Variants in FBXL17 observed in about 807,000 individuals in gnomAD.
FBXL17 encodes F-box and leucine rich repeat protein 17, also known as F-box/LRR-repeat protein 17.
In FBXL17, 22 loss-of-function variants were observed where a neutral mutation model predicts 66.2. The ratio of observed to expected loss-of-function variants is 0.33; its 90% CI spans 0.24 to 0.47. The LOEUF (loss-of-function observed/expected upper bound fraction) is 0.47, where lower values mean the gene tolerates loss of function less well. Ranked by LOEUF, FBXL17 falls within the 20% of genes least tolerant of loss-of-function variation. FBXL17 has a pLI of 1.00. For synonymous variants in FBXL17, 474 were observed against 400.5 expected (o/e 1.18, Z -2.19); for missense variants, 878 against 948.2 (o/e 0.93, Z 0.97).
At chr5:107,980,435 TG>T (rs1752762818) in intron 7 of FBXL17, among the ~76,000 whole-genome samples, 2 of 149,830 alleles carry the variant, frequency 1.3e-5, no homozygotes, top group Non-Finnish European at 3.0e-5. Flanking sequence ...CAGGGTCTCC[TG>T]GGCTCAAGCA....
intron 6 of FBXL17, among the ~76,000 whole-genome samples, chr5:108,138,275 C>T (rs1416144688): frequency 6.6e-6 from 1 of 152,174 alleles, no homozygotes; most frequent in African/African-American, 2.4e-5. Context: ...TACTTCTCCC[C>T]ATTTTCTCCT....
intron 4 of FBXL17, among the ~76,000 whole-genome samples, chr5:108,327,810 A>T (rs890667868): frequency 2.6e-5 from 4 of 152,166 alleles, no homozygotes; most frequent in African/African-American, 9.6e-5. Context: ...TTGGTCATGA[A>T]GAAGAGAGAA....
At position 107,894,507 on chromosome 5, in the gene FBXL17, T is replaced by C. The variant is rs1749308909; in HGVS notation, c.1823-13328A>G. ...ATTTTCCTTTCCATAGGATGCAGTT[T>C]GGGGCATATGATGCAAGATTCCCTG... On this transcript the variant is annotated intron_variant, in intron 7 of 8. Coordinates refer to ENST00000542267, the MANE Select transcript of FBXL17 (RefSeq NM_001163315.3). Among the ~76,000 whole-genome samples, 4 of 152,124 alleles carry C rather than the reference T, an allele frequency of 2.6e-5. No homozygotes were observed. The South Asian group carries it at 8.3e-4, about 32-fold the overall frequency.
At position 108,367,813 on chromosome 5, in the gene FBXL17, T is replaced by C. The variant is rs1211615042; in HGVS notation, c.1116+18A>G. On this transcript the variant is annotated intron_variant, in intron 2 of 8. Transcript: ENST00000542267. ...TTGAGTAGGTCATATGAGTGTTACT[T>C]AGAATTGGATTCCATACCTGCTGAC... 2.0e-5 allele frequency: 31 copies of C among 1,544,732 alleles called. No homozygotes were observed. The highest frequency in any genetic ancestry group is 2.6e-5 in the Non-Finnish European group (30 of 1,144,160).
At chr5:108,356,787 A>G (rs1442847865) in intron 3 of FBXL17, among the ~76,000 whole-genome samples, 1 of 152,098 alleles carries the variant, frequency 6.6e-6, no homozygotes, top group Non-Finnish European at 1.5e-5. Context: ...TAGAATGTAC[A>G]ATACCAAGAG....
intron 3 of FBXL17, among the ~76,000 whole-genome samples, chr5:108,357,782 T>A (rs1380889813): frequency 6.6e-6 from 1 of 152,024 alleles, no homozygotes; most frequent in Non-Finnish European, 1.5e-5. Flanking sequence ...GCAGGTTTGT[T>A]ACATAGGTAT....
At chr5:108,262,074 A>ATTTTTTTT (rs375770362) in intron 4 of FBXL17, among the ~76,000 whole-genome samples, 1 of 135,710 alleles carries the variant, frequency 7.4e-6, no homozygotes. Flanking sequence ...TTATTTATTT[A>ATTTTTTTT]TTTATTTATT....
chr5:107,984,932 G>A (rs1752961455), intron 7 of FBXL17, among the ~76,000 whole-genome samples: 1 of 152,172 alleles, frequency 6.6e-6, no homozygotes, highest in Non-Finnish European at 1.5e-5. Context: ...CTTTTCTAGA[G>A]TGAAAACTTT....
rs534355659 is a variant in FBXL17 at position 108,106,611 on chromosome 5, A to T, written c.1745+79506T>A. Among the ~76,000 whole-genome samples the T allele has an allele frequency of 5.8e-4, 88 of 152,352 alleles. 2 individuals carry two copies. In the South Asian group the frequency reaches 0.017, roughly 29 times the overall value. ...TGCTACAACATGGAAGAACACTGAAAACATTGTATTACATGAAAAAAGCCA... is the reference window on the plus strand; with the variant it reads ...TGCTACAACATGGAAGAACACTGAATACATTGTATTACATGAAAAAAGCCA... On this transcript the variant is annotated intron_variant, in intron 6 of 8. Transcript: ENST00000542267.
intron 7 of FBXL17, among the ~76,000 whole-genome samples, chr5:107,989,062 A>G (rs1487468322): frequency 6.6e-6 from 1 of 152,036 alleles, no homozygotes; most frequent in Non-Finnish European, 1.5e-5. Context: ...TTTGATACAT[A>G]CATACAATGT....
chr5:108,075,366 T>G (rs1748503480), intron 6 of FBXL17, among the ~76,000 whole-genome samples: 1 of 152,198 alleles, frequency 6.6e-6, no homozygotes, highest in South Asian at 2.1e-4. Flanking sequence ...CTCTGTGCTT[T>G]GAGATGTAAA....
intron 5 of FBXL17, among the ~76,000 whole-genome samples, chr5:108,188,096 T>C (rs947522669): frequency 5.3e-5 from 8 of 152,156 alleles, no homozygotes; most frequent in Non-Finnish European, 8.8e-5. Context: ...AGCTACAGTG[T>C]TGGTGGACAG....
intron 7 of FBXL17, among the ~76,000 whole-genome samples, chr5:107,943,112 C>T (rs1291869520): frequency 6.6e-6 from 1 of 152,086 alleles, no homozygotes; most frequent in Admixed American, 6.6e-5. Flanking sequence ...TAGGTGAGCC[C>T]AGGCTCTGTC....
At chr5:108,247,193 G>A (rs12653027) in intron 4 of FBXL17, among the ~76,000 whole-genome samples, 18,435 of 152,130 alleles carry the variant, frequency 0.12, 1,353 homozygotes, top group Admixed American at 0.16. Context: ...CCCTGGCTTC[G>A]AAGAAGAGAA....
intron 6 of FBXL17, among the ~76,000 whole-genome samples, chr5:108,068,467 G>C (rs557450751): frequency 2.7e-5 from 4 of 147,256 alleles, no homozygotes; most frequent in Admixed American, 6.8e-5. Flanking sequence ...TTGGGGGGGG[G>C]GCGGGGGGAA....
intron 4 of FBXL17, among the ~76,000 whole-genome samples, chr5:108,305,956 T>C (rs1352457768): frequency 6.6e-6 from 1 of 152,038 alleles, no homozygotes; most frequent in East Asian, 1.9e-4. Flanking sequence ...TCTCATAAAT[T>C]TATATCAAAA....
At chr5:108,078,360 G>A (rs1301163326) in intron 6 of FBXL17, among the ~76,000 whole-genome samples, 2 of 152,280 alleles carry the variant, frequency 1.3e-5, no homozygotes, top group East Asian at 3.9e-4. Flanking sequence ...CAGCTTGGTT[G>A]TCATATGTGA....
At chr5:107,994,559 G>C (rs187575447) in intron 7 of FBXL17, among the ~76,000 whole-genome samples, 1 of 152,230 alleles carries the variant, frequency 6.6e-6, no homozygotes, top group African/African-American at 2.4e-5. Flanking sequence ...CCTATACAAG[G>C]CTGGGCACGG....
Position 108,381,233 on chromosome 5 carries a change from C to G in FBXL17, c.459G>C (p.Glu153Asp). 1 of 1,446,488 alleles carries G rather than the reference C, an allele frequency of 6.9e-7. No homozygotes were observed. Among genetic ancestry groups the G allele is most frequent in the East Asian group, 3.0e-5 (1 of 32,924 alleles). 89.6% of individuals were successfully genotyped at this position (1,446,488 alleles called of 1,614,324 possible). A position where few individuals can be genotyped will look rare whatever the true frequency, so the allele number is the denominator to read the frequency against. Residue 153 changes from glutamate to aspartate, a missense_variant, in exon 1 of 9, where the codon GAG becomes GAC. Glu to Asp is a conservative substitution (Grantham distance 45, BLOSUM62 2). This residue lies in a region of FBXL17 where 605 missense variants were observed against 509.5 expected (regional missense o/e 1.19). Coordinates refer to ENST00000542267, the MANE Select transcript of FBXL17 (RefSeq NM_001163315.3). ...CCAGGAAGAGACTTCGGCCCTGCTG[C>G]TCCCAGGCGGCGGCCGCAGCCAGCC... ...ELGLAAAAAW[E>D]QQGRSLFLAS...
Sources: allele counts gnomAD v4.1 joint callset (sites outside exome capture counted in the v4.1 genomes callset), GRCh38; gene constraint gnomAD v4.1.1; regional missense constraint gnomAD v4.1.1; transcripts MANE v1.5; gene names NCBI Gene and HGNC (gene_info 2026-07-23, HGNC 2026-07-21).